FER1L6: variants seen among roughly 807,000 people sequenced by gnomAD.
FER1L6 encodes fer-1-like protein 6.
A neutral mutation model predicts 219.2 loss-of-function variants in FER1L6; 177 were observed. The ratio of observed to expected loss-of-function variants is 0.81; its 90% CI spans 0.71 to 0.91. The LOEUF (loss-of-function observed/expected upper bound fraction) is 0.91, where lower values mean the gene tolerates loss of function less well. Ranked by LOEUF, FER1L6 falls within the 40% of genes least tolerant of loss-of-function variation. The pLI is 0.00. For synonymous variants in FER1L6, 768 were observed against 824.3 expected, an observed-to-expected ratio of 0.93 and a Z score of 1.17; for missense variants, 2,153 against 2,259.9, an observed-to-expected ratio of 0.95 and a Z score of 0.96.
intron 32 of FER1L6, among the ~76,000 whole-genome samples, chr8:124,076,877 C>T (rs1234338309): frequency 6.6e-6 from 1 of 152,110 alleles, no homozygotes; most frequent in Non-Finnish European, 1.5e-5. Context: ...TTGAGGTGAC[C>T]CCTGAGGTCA....
At chr8:123,975,782 C>G in intron 8 of FER1L6, 116 bp from the exon 9 acceptor site, 2 of 817,540 alleles carry the variant, frequency 2.4e-6, no homozygotes, top group Non-Finnish European at 3.9e-6. Context: ...GAATCTTACT[C>G]TTTTCAGATT....
chr8:123,869,610 A>G (rs1164507225), intron 1 of FER1L6, among the ~76,000 whole-genome samples: 1 of 152,248 alleles, frequency 6.6e-6, no homozygotes. Flanking sequence ...TAAGATGTCA[A>G]TTCTTCCCAA....
intron 1 of FER1L6, among the ~76,000 whole-genome samples, chr8:123,872,609 T>C (rs1816943486): frequency 6.6e-6 from 1 of 152,218 alleles, no homozygotes; most frequent in South Asian, 2.1e-4. Flanking sequence ...AACATACTAA[T>C]GTAAGATAAT....
intron 1 of FER1L6, among the ~76,000 whole-genome samples, chr8:123,880,351 C>T (rs1035642701): frequency 1.3e-5 from 2 of 152,200 alleles, no homozygotes; most frequent in South Asian, 4.1e-4. Context: ...CTGGCTTTAT[C>T]GCAGCGCCTT....
chr8:123,955,775 C>T (rs1274484317), intron 1 of FER1L6, among the ~76,000 whole-genome samples: 3 of 152,134 alleles, frequency 2.0e-5, no homozygotes, highest in Non-Finnish European at 2.9e-5. Context: ...GTGGACCTCA[C>T]GATTCCAATT....
intron 1 of FER1L6, among the ~76,000 whole-genome samples, chr8:123,899,459 G>A (rs1309194708): frequency 6.6e-6 from 1 of 152,078 alleles, no homozygotes; most frequent in Non-Finnish European, 1.5e-5. Flanking sequence ...CCACTCTGTG[G>A]GTTGTCTGTT....
intron 27 of FER1L6, 120 bp downstream of exon 27, chr8:124,066,670 T>G (rs770699861): frequency 8.8e-5 from 99 of 1,125,344 alleles, no homozygotes; most frequent in Non-Finnish European, 1.2e-4. Context: ...CCTACTCAGG[T>G]GTGGTTCTGT....
intron 2 of FER1L6, among the ~76,000 whole-genome samples, chr8:123,960,373 T>C (rs10106438): frequency 0.97 from 146,960 of 152,278 alleles, 70,957 homozygotes; most frequent in Middle Eastern, 0.99. Context: ...ATCTCAACAT[T>C]CAGCAACATT....
intron 32 of FER1L6, 103 bp downstream of exon 32, chr8:124,076,428 G>A: frequency 2.7e-6 from 3 of 1,130,992 alleles, no homozygotes; most frequent in Non-Finnish European, 3.9e-6. Context: ...GGGTGAAATG[G>A]TTCCAGGAGG....
At chr8:124,109,307 C>CTTA (rs1276325312) in intron 39 of FER1L6, among the ~76,000 whole-genome samples, 1 of 152,178 alleles carries the variant, frequency 6.6e-6, no homozygotes, top group Non-Finnish European at 1.5e-5. Flanking sequence ...CCACCCTAAT[C>CTTA]TTATTATTCA....
At position 124,090,678 on chromosome 8, in the gene FER1L6, T is replaced by C. The variant is rs17358212; in HGVS notation, c.4392-745T>C. Among the ~76,000 whole-genome samples the C allele has an allele frequency of 1.0e-2, 1,520 of 152,300 alleles. 11 individuals are homozygous for C. The highest frequency in any genetic ancestry group is 0.016 in the Non-Finnish European group (1,077 of 68,012). ...AGCAGAGACATCAAGCTTATCTTGG[T>C]CCTGGCTTGTAGGGAGTGCTGCATT... On this transcript the variant is annotated intron_variant, in intron 33 of 40. Transcript: ENST00000522917.
intron 1 of FER1L6, among the ~76,000 whole-genome samples, chr8:123,954,155 A>G (rs1028039609): frequency 3.5e-4 from 54 of 152,186 alleles, no homozygotes; most frequent in African/African-American, 1.3e-3. Flanking sequence ...TCAGGGAGGT[A>G]CTGGACTTGC....
chr8:124,064,678 T>C (rs1286613313), intron 26 of FER1L6, 105 bp downstream of exon 26: 1 of 955,928 alleles, frequency 1.0e-6, no homozygotes, highest in Non-Finnish European at 1.6e-6. Context: ...GCAAGCAGCT[T>C]CACATTTCTG....
chr8:123,963,981 GGTTA>G (rs988832461), intron 3 of FER1L6, among the ~76,000 whole-genome samples: 15 of 152,224 alleles, frequency 9.9e-5, no homozygotes, highest in Non-Finnish European at 2.2e-4. Flanking sequence ...CAGCTCTGCT[GGTTA>G]GTTTAGGAGT....
At chr8:124,103,680 A>G (rs1822641276) in intron 39 of FER1L6, among the ~76,000 whole-genome samples, 1 of 152,252 alleles carries the variant, frequency 6.6e-6, no homozygotes, top group Admixed American at 6.5e-5. Context: ...AGAAGGTGAC[A>G]GCAGGAGAAG....
intron 22 of FER1L6, 99 bp from the exon 23 acceptor site, chr8:124,060,080 TG>T: frequency 1.2e-6 from 1 of 828,618 alleles, no homozygotes; most frequent in Non-Finnish European, 2.0e-6. Flanking sequence ...TTACTTTTGT[TG>T]GCAAAACAGT....
intron 1 of FER1L6, among the ~76,000 whole-genome samples, chr8:123,898,679 A>ATACATATATG (rs904704244): frequency 2.1e-5 from 3 of 145,268 alleles, no homozygotes; most frequent in Non-Finnish European, 4.5e-5. Context: ...ACGTATATAT[A>ATACATATATG]TACATATATG....
chr8:123,980,824 A>G lies in FER1L6; in HGVS notation c.1410+13A>G. The G allele has an allele frequency of 6.2e-7, 1 of 1,600,394 alleles. No individual in the cohort carries two copies. Among genetic ancestry groups the G allele is most frequent in the Non-Finnish European group, 8.5e-7 (1 of 1,171,418 alleles). ...TGTCCCCCCGGAGGTAGGTCTAGGC[A>G]CTGCATTATGGTACTTTACCTATGA... is the stretch of plus-strand genomic sequence containing the variant. On this transcript the variant is annotated intron_variant, in intron 11 of 40. Transcript: ENST00000522917.
At chr8:123,905,229 T>C (rs188143953) in intron 1 of FER1L6, among the ~76,000 whole-genome samples, 10 of 152,156 alleles carry the variant, frequency 6.6e-5, no homozygotes, top group Non-Finnish European at 1.5e-4. Flanking sequence ...ATCCTGATAC[T>C]CTCCCTCCCC....
Sources: gnomAD v4.1 joint callset for allele counts (sites outside exome capture counted in the v4.1 genomes callset) on GRCh38, gnomAD v4.1.1 for gene constraint, MANE v1.5 for transcripts, NCBI Gene and HGNC (gene_info 2026-07-23, HGNC 2026-07-21) for gene names.